The following PGD variants were observed in gnomAD, a reference collection of about 807,000 sequenced individuals.
PGD encodes 6-phosphogluconate dehydrogenase, decarboxylating.
A neutral mutation model predicts 60.4 loss-of-function variants in PGD; 21 were observed. The ratio of observed to expected loss-of-function variants is 0.35; its 90% CI spans 0.25 to 0.50. PGD has a LOEUF of 0.50. PGD is among the 20% of genes least tolerant of loss of function. PGD has a pLI of 0.98. For missense variants in PGD, 477 were observed against 613.1 expected (o/e 0.78, Z 2.34); for synonymous variants, 230 against 235.9 (o/e 0.97, Z 0.23).
Position 10,403,132 on chromosome 1 carries a change from C to T in PGD, c.326C>T (p.Thr109Ile), listed in dbSNP as rs1325372063. 6.3e-7 allele frequency: 1 copy of T among 1,597,120 alleles called. No homozygotes were observed. Among genetic ancestry groups the T allele is most frequent in the Non-Finnish European group, 8.6e-7 (1 of 1,164,526 alleles). ...GGAGGAAATTCTGAATATAGGGACACCACAGTAAGTGTTCTTCAGTCCAGA... is the reference window on the plus strand; with the variant it reads ...GGAGGAAATTCTGAATATAGGGACATCACAGTAAGTGTTCTTCAGTCCAGA... ...IDGGNSEYRD[T>I]TRRCRDLKAK... The change falls in exon 4 of 13, where the codon ACC becomes ATC. Residue 109 changes from threonine (T) to isoleucine (I), a missense_variant. This residue lies in a region of PGD where 431 missense variants were observed against 556.6 expected (regional missense o/e 0.77). Coordinates refer to ENST00000270776, the MANE Select transcript of PGD (RefSeq NM_002631.4).
At position 10,408,150 on chromosome 1, in the gene PGD, G is replaced by A; in HGVS notation, c.519+10G>A. ...ACCCTGCTGTGACTGGGCAAGTTCT[G>A]GGCTACTCTTTAAAGCCAATTGGCA... On this transcript the variant is annotated intron_variant, in intron 6 of 12. Coordinates refer to ENST00000270776, the MANE Select transcript of PGD (RefSeq NM_002631.4). The A allele has an allele frequency of 6.5e-7, 1 of 1,541,146 alleles. No homozygotes were observed. Among genetic ancestry groups the A allele is most frequent in the Non-Finnish European group, 9.0e-7 (1 of 1,113,252 alleles).
At chr1:10,399,497 T>C (rs1639273485) in intron 1 of PGD, 132 bp from the exon 2 acceptor site, 3 of 831,356 alleles carry the variant, frequency 3.6e-6, no homozygotes, top group Non-Finnish European at 5.7e-6. Context: ...GCCCGGCTTC[T>C]GGGGGCCCGC....
Position 10,411,405 on chromosome 1 carries a change from G to C in PGD, c.520-13G>C. On this transcript the variant is annotated splice_polypyrimidine_tract_variant and intron_variant, in intron 6 of 12. Coordinates refer to ENST00000270776, the MANE Select transcript of PGD (RefSeq NM_002631.4). ...TTTCTCTGAAGGCCTCTTGGTGCTT[G>C]TTGTCCTGACAGGTGGGAGATGAGG... 1.9e-6 allele frequency: 3 copies of C among 1,612,518 alleles called. No individual in the cohort carries two copies. The highest frequency in any genetic ancestry group is 2.2e-5 in the South Asian group (2 of 90,960).
At chr1:10,400,237 T>A (rs1639292291) in intron 2 of PGD, 156 bp from the exon 3 acceptor site, 2 of 601,652 alleles carry the variant, frequency 3.3e-6, no homozygotes, top group Non-Finnish European at 5.9e-6. Flanking sequence ...GTGACATAAC[T>A]TTACAGTGAG....
intron 8 of PGD, among the ~76,000 whole-genome samples, chr1:10,414,547 G>A (rs2124209372): frequency 6.6e-6 from 1 of 151,830 alleles, no homozygotes; most frequent in Admixed American, 6.6e-5. Flanking sequence ...GCTAATTTTT[G>A]TGTGTTATTA....
chr1:10,416,948 G>A (rs1442891966), intron 8 of PGD, 39 bp from the exon 9 acceptor site: 4 of 1,605,856 alleles, frequency 2.5e-6, no homozygotes, highest in Non-Finnish European at 3.4e-6. Context: ...TCAGAGGCCT[G>A]ACAGTAATCT....
chr1:10,401,403 A>G (rs750106539), intron 3 of PGD, among the ~76,000 whole-genome samples: 2 of 152,216 alleles, frequency 1.3e-5, no homozygotes, highest in African/African-American at 2.4e-5. Flanking sequence ...ACTCCCATTT[A>G]GAAGAAATGT....
rs576912506 is a variant in PGD, at chr1:10,417,054, G to C, written c.912G>C (p.Leu304=). 1 of 1,614,082 alleles carries C rather than the reference G, an allele frequency of 6.2e-7. No individual in the cohort carries two copies. The highest frequency in any genetic ancestry group is 1.1e-5 in the South Asian group (1 of 91,078). The change falls in exon 9 of 13, where the codon CTG becomes CTC. Residue 304 remains leucine, a synonymous_variant. Coordinates refer to ENST00000270776, the MANE Select transcript of PGD (RefSeq NM_002631.4). ...AGAGAATTCAAGCTAGCAAAAAGCT[G>C]AAGGGTCCCCAGAAGTTCCAGTTTG... is the stretch of plus-strand genomic sequence containing the variant. ...KDERIQASKK[L]KGPQKFQFDG...
In PGD at chr1:10,418,933, G is replaced by T. The variant is rs2124217587; in HGVS notation, c.1209+8G>T. 6.7e-7 allele frequency: 1 copy of T among 1,486,676 alleles called. No individual in the cohort carries two copies. Among genetic ancestry groups the T allele is most frequent in the Non-Finnish European group, 9.4e-7 (1 of 1,064,368 alleles). 92.1% of individuals were successfully genotyped at this position (1,486,676 alleles called of 1,614,324 possible). A position where few individuals can be genotyped will look rare whatever the true frequency, so the allele number is the denominator to read the frequency against. On this transcript the variant is annotated splice_region_variant and intron_variant, in intron 11 of 12. Transcript: ENST00000270776. ...GCTGTTGAAAACTGCCAGGTATGTA[G>T]CCTAGGGCTGGTGCCATGGTTACTC...
At chr1:10,400,207 G>A (rs1410976750) in intron 2 of PGD, among the ~76,000 whole-genome samples, 186 bp from the exon 3 acceptor site, 1 of 152,158 alleles carries the variant, frequency 6.6e-6, no homozygotes, top group East Asian at 1.9e-4. Flanking sequence ...TCGGTTGTCC[G>A]CCGTTTTCAT....
intron 6 of PGD, among the ~76,000 whole-genome samples, chr1:10,409,238 C>T (rs1222125436): frequency 6.6e-6 from 1 of 152,110 alleles, no homozygotes. Context: ...TTGAGGAATC[C>T]GGGAAGCCCT....
intron 3 of PGD, among the ~76,000 whole-genome samples, chr1:10,402,802 C>G (rs565959479): frequency 2.6e-5 from 4 of 151,840 alleles, no homozygotes; most frequent in East Asian, 3.9e-4. Context: ...GGATAACAGG[C>G]GTGAGCCACC....
chr1:10,400,663 T>TC (rs1639300848), intron 3 of PGD, 91 bp downstream of exon 3: 1 of 1,034,582 alleles, frequency 9.7e-7, no homozygotes, highest in Non-Finnish European at 1.4e-6. Context: ...CTAGAGATTT[T>TC]TTTTTTTCAA....
At chr1:10,411,794 TC>T (rs1345457403) in intron 7 of PGD, among the ~76,000 whole-genome samples, 1 of 152,218 alleles carries the variant, frequency 6.6e-6, no homozygotes, top group Non-Finnish European at 1.5e-5. Context: ...TTACCTGGTG[TC>T]AGGCACTGTG....
At chr1:10,405,812 G>A (rs961241976) in intron 5 of PGD, among the ~76,000 whole-genome samples, 1 of 151,674 alleles carries the variant, frequency 6.6e-6, no homozygotes, top group Non-Finnish European at 1.5e-5. Flanking sequence ...CTCCATCATG[G>A]GTGACAGAGC....
intron 11 of PGD, among the ~76,000 whole-genome samples, chr1:10,419,186 T>TTG (rs1219982085): frequency 5.3e-5 from 8 of 150,852 alleles, no homozygotes; most frequent in Non-Finnish European, 8.9e-5. Context: ...TTTTTTTTTT[T>TTG]TTTTGTATTT....
chr1:10,419,024 T>G, intron 11 of PGD, 99 bp downstream of exon 11: 1 of 761,378 alleles, frequency 1.3e-6, no homozygotes, highest in South Asian at 1.6e-5. Flanking sequence ...TTTTTGTTTT[T>G]TTGAGACAGA....
Position 10,404,282 on chromosome 1 carries a change from G to T in PGD, c.449+3G>T. 1 of 1,582,674 alleles carries T rather than the reference G, an allele frequency of 6.3e-7. No homozygotes were observed. Among genetic ancestry groups the T allele is most frequent in the South Asian group, 1.1e-5 (1 of 89,774 alleles). ...CCAGGAGGGAACAAAGAAGCGTGGT[G>T]AGTGCCATCAGCACTGTGCCCATCT... On this transcript the variant is annotated splice_donor_region_variant and intron_variant, in intron 5 of 12. Coordinates refer to ENST00000270776, the MANE Select transcript of PGD (RefSeq NM_002631.4).
rs896501235 is a variant in PGD at position 10,411,584 on chromosome 1, C to T, written c.654+32C>T. On this transcript the variant is annotated intron_variant, in intron 7 of 12. Coordinates refer to ENST00000270776, the MANE Select transcript of PGD (RefSeq NM_002631.4). ...CCCCGGCACTGCCTCTGTGTCCGTTCTGCAGGGAGTGCTCACTTTGCCACA... is the reference window on the plus strand; with the variant it reads ...CCCCGGCACTGCCTCTGTGTCCGTTTTGCAGGGAGTGCTCACTTTGCCACA... 5.0e-6 allele frequency: 8 copies of T among 1,612,824 alleles called. No individual in the cohort carries two copies. In the Admixed American group the frequency reaches 8.3e-5, roughly 17 times the overall value.
Sources: gnomAD v4.1 joint callset for allele counts (sites outside exome capture counted in the v4.1 genomes callset) on GRCh38, gnomAD v4.1.1 for gene constraint, gnomAD v4.1.1 regional missense constraint, MANE v1.5 for transcripts, NCBI Gene and HGNC (gene_info 2026-07-23, HGNC 2026-07-21) for gene names.